Variants in BRPF1 observed in about 807,000 individuals in gnomAD.
BRPF1 encodes the protein peregrin.
BRPF1 carries 15 observed loss-of-function variants against 115.0 expected under a neutral mutation model. That is an observed-to-expected ratio of 0.13 (90% CI 0.09 to 0.20). The LOEUF is 0.20. Ranked by LOEUF, BRPF1 falls within the 10% of genes least tolerant of loss-of-function variation. The pLI, the probability that BRPF1 is intolerant of heterozygous loss-of-function variation, is 1.00. For missense variants in BRPF1, 1,118 were observed against 1,638.3 expected (o/e 0.68, Z 5.48); for synonymous variants, 647 against 619.8 (o/e 1.04, Z -0.65).
At chr3:9,738,531 C>T (rs1308876301) in intron 2 of BRPF1, among the ~76,000 whole-genome samples, 1 of 152,254 alleles carries the variant, frequency 6.6e-6, no homozygotes, top group Non-Finnish European at 1.5e-5. Context: ...CCCTGCCCAC[C>T]AGTGCTAAAA....
rs991955850 is a variant in BRPF1, at chr3:9,743,505, G to A, written c.2312-73G>A. The A allele has an allele frequency of 9.3e-6, 14 of 1,503,876 alleles. No homozygotes were observed. The highest frequency in any genetic ancestry group is 1.1e-5 in the Non-Finnish European group (12 of 1,110,656). The allele number at this position is 1,503,876 out of a possible 1,614,324, so 93.2% of individuals were successfully genotyped here. On this transcript the variant is annotated intron_variant, in intron 7 of 13. Transcript: ENST00000383829. This position sits in a 1 kb window ranked among gnomAD's most constrained non-coding sequence, Gnocchi z 6.1. ...CCCAGGGGGGATGAGTGGGTTTCTT[G>A]CTGCCTGCCCAGGTTCAAGGGGCCC...
Position 9,739,742 on chromosome 3 carries a change from C to T in BRPF1, c.1343C>T (p.Thr448Met), listed in dbSNP as rs753525669. The T allele has an allele frequency of 1.4e-5, 23 of 1,614,034 alleles. No individual in the cohort carries two copies. The highest frequency in any genetic ancestry group is 1.1e-4 in the South Asian group (10 of 91,082). ...AAGACAGCCTACTGCGACATCCACA[C>T]GCCTCCAGGTTCAGCACGCCGACTG... Reference protein sequence around the residue: ...VRKTAYCDIHTPPGSARRLPA... With the variant: ...VRKTAYCDIHMPPGSARRLPA... Residue 448 changes from threonine to methionine, a missense_variant, in exon 3 of 14, where the codon ACG (threonine) becomes ATG (methionine). Around this residue, in one of 10 missense-constraint regions of BRPF1, gnomAD observed 87 missense variants for 93.4 expected, o/e 0.93. Coordinates refer to ENST00000383829, the MANE Select transcript of BRPF1 (RefSeq NM_001003694.2).
intron 2 of BRPF1, among the ~76,000 whole-genome samples, chr3:9,736,085 C>T (rs1405214039): frequency 3.6e-5 from 5 of 140,548 alleles, no homozygotes; most frequent in African/African-American, 1.3e-4. Context: ...GATCTCGGCT[C>T]ACTGCGACCT....
At position 9,743,513 on chromosome 3, in the gene BRPF1, C is replaced by T. The variant is rs972382066; in HGVS notation, c.2312-65C>T. On this transcript the variant is annotated intron_variant, in intron 7 of 13. Coordinates refer to ENST00000383829, the MANE Select transcript of BRPF1 (RefSeq NM_001003694.2). This position sits in a 1 kb window ranked among gnomAD's most constrained non-coding sequence, Gnocchi z 6.1. ...GGATGAGTGGGTTTCTTGCTGCCTG[C>T]CCAGGTTCAAGGGGCCCTGAGGGCT... 6 of 1,527,958 alleles carry T rather than the reference C, an allele frequency of 3.9e-6. No individual in the cohort carries two copies. The African/African-American group carries it at 6.9e-5, about 18-fold the overall frequency. 94.7% of individuals were successfully genotyped at this position (1,527,958 alleles called of 1,614,324 possible).
intron 2 of BRPF1, among the ~76,000 whole-genome samples, chr3:9,737,505 T>C (rs1009343681): frequency 2.0e-5 from 3 of 152,218 alleles, no homozygotes; most frequent in Admixed American, 2.0e-4. Flanking sequence ...CTTAGCTCAC[T>C]TGCCCTCTGT....
chr3:9,734,400 G>T lies in BRPF1; in HGVS notation c.260G>T (p.Arg87Leu). The T allele has an allele frequency of 6.2e-7, 1 of 1,614,064 alleles. No homozygotes were observed. The highest frequency in any genetic ancestry group is 8.5e-7 in the Non-Finnish European group (1 of 1,180,022). ...SPSEVSQSPG[R>L]EVMSYAQAQR... ...TCAGAGGTCTCACAGTCACCAGGCC[G>T]TGAGGTGATGAGCTATGCACAGGCC... Residue 87 changes from arginine (R) to leucine (L), a missense_variant, in exon 2 of 14, where the codon CGT (arginine) becomes CTT (leucine). Around this residue, in one of 10 missense-constraint regions of BRPF1, gnomAD observed 280 missense variants for 382.8 expected, o/e 0.73. Coordinates refer to ENST00000383829, the MANE Select transcript of BRPF1 (RefSeq NM_001003694.2). The surrounding 1 kb of genome is among the most constrained non-coding windows in gnomAD (Gnocchi z 5.7).
rs750395934 is a variant in BRPF1 at position 9,743,772 on chromosome 3, G to A, written c.2506G>A (p.Gly836Arg). 1 of 1,614,170 alleles carries A rather than the reference G, an allele frequency of 6.2e-7. No individual in the cohort carries two copies. Among genetic ancestry groups the A allele is most frequent in the African/African-American group, 1.3e-5 (1 of 75,054 alleles). ...RRKLAHQRETGRDGPERHGPS... is the reference protein window; with the variant it reads ...RRKLAHQRETRRDGPERHGPS... The stretch of plus-strand genomic sequence containing the variant: ...GAAGCTTGCCCATCAGCGAGAGACG[G>A]GACGTGATGGCCCTGAGCGGCATGG... The change falls in exon 8 of 14, where the codon GGA (glycine) becomes AGA (arginine). Residue 836 changes from glycine (G) to arginine (R), a missense_variant. By Grantham distance (125) the Gly-to-Arg change is moderately radical. Around this residue, in one of 10 missense-constraint regions of BRPF1, gnomAD observed 223 missense variants for 240.7 expected, o/e 0.93. Transcript: ENST00000383829. The surrounding 1 kb of genome is among the most constrained non-coding windows in gnomAD (Gnocchi z 6.1).
At chr3:9,744,881 C>T (rs367906841) in intron 9 of BRPF1, 127 bp from the exon 10 acceptor site, 1 of 1,311,874 alleles carries the variant, frequency 7.6e-7, no homozygotes, top group Non-Finnish European at 1.1e-6. Context: ...GCTCTGCTGG[C>T]CAAGGTTGGA....
At chr3:9,741,007 A>G in intron 4 of BRPF1, 66 bp downstream of exon 4, 5 of 1,519,216 alleles carry the variant, frequency 3.3e-6, no homozygotes, top group Non-Finnish European at 4.5e-6. Flanking sequence ...CAAAATTTGC[A>G]ACTGTAGTTT....
At position 9,734,295 on chromosome 3, in the gene BRPF1, C is replaced by G. The variant is rs763886067; in HGVS notation, c.155C>G (p.Pro52Arg). The part of the protein sequence containing the change: ...LYHYDHDNPP[P>R]PQQTPLRKHK... ...CACTATGACCACGACAACCCACCAC[C>G]CCCACAACAAACTCCACTCCGCAAG... The change falls in exon 2 of 14, where the codon CCC becomes CGC. Residue 52 changes from proline (P) to arginine (R), a missense_variant. Physicochemically the swap from Pro to Arg is moderately radical, Grantham distance 103 (BLOSUM62 -2). Coordinates refer to ENST00000383829, the MANE Select transcript of BRPF1 (RefSeq NM_001003694.2). This position sits in a 1 kb window ranked among gnomAD's most constrained non-coding sequence, Gnocchi z 5.7. The G allele has an allele frequency of 4.3e-6, 7 of 1,613,992 alleles. No homozygotes were observed. The South Asian group carries it at 7.7e-5, about 18-fold the overall frequency.
chr3:9,742,806 T>TC (rs905523651), intron 6 of BRPF1, 138 bp from the exon 7 acceptor site: 1 of 987,628 alleles, frequency 1.0e-6, no homozygotes, highest in African/African-American at 1.6e-5. Flanking sequence ...AGCTTTCCTT[T>TC]CCCCTGTGCT....
chr3:9,738,214 A>G (rs1438596895), intron 2 of BRPF1, among the ~76,000 whole-genome samples: 2 of 152,138 alleles, frequency 1.3e-5, no homozygotes, highest in African/African-American at 4.8e-5. Flanking sequence ...CTGGAGGTTG[A>G]ATGCCTCTGC....
At position 9,746,751 on chromosome 3, in the gene BRPF1, C is replaced by T. The variant is rs530483595; in HGVS notation, c.3479+297C>T. ...TGGCTTCTAGACTTAGTTTTCCCAC[C>T]TCTGCCTCCACAGTGACAAAATGAG... is the stretch of plus-strand genomic sequence containing the variant. On this transcript the variant is annotated intron_variant, in intron 13 of 13. Coordinates refer to ENST00000383829, the MANE Select transcript of BRPF1 (RefSeq NM_001003694.2). Among the ~76,000 whole-genome samples the T allele has an allele frequency of 1.8e-4, 27 of 152,166 alleles. No individual in the cohort carries two copies. The South Asian group carries it at 5.0e-3, about 28-fold the overall frequency.
Position 9,732,017 on chromosome 3 carries a change from G to C in BRPF1, c.-132G>C, listed in dbSNP as rs1208975315. On this transcript the variant is annotated 5_prime_UTR_variant, in exon 1 of 14. Transcript: ENST00000383829. ...GGGCGGCAGGGGGCCGGGGTGGCGA[G>C]GTCTACGGTCTCCGGAGTTGGGGCT... is the stretch of plus-strand genomic sequence containing the variant. 1 of 152,524 alleles carries C rather than the reference G, an allele frequency of 6.6e-6. No homozygotes were observed. The highest frequency in any genetic ancestry group is 2.4e-5 in the African/African-American group (1 of 41,586). 9.4% of individuals were successfully genotyped at this position (152,524 alleles called of 1,614,324 possible).
At chr3:9,735,572 T>C (rs954376038) in intron 2 of BRPF1, among the ~76,000 whole-genome samples, 2 of 152,244 alleles carry the variant, frequency 1.3e-5, no homozygotes, top group African/African-American at 2.4e-5. Flanking sequence ...CATAAGGTAC[T>C]AAAAGCACTT....
chr3:9,745,311 G>C lies in BRPF1; in HGVS notation c.3068+156G>C, dbSNP rs1418506994. Among the ~76,000 whole-genome samples the C allele has an allele frequency of 2.0e-5, 3 of 152,224 alleles. No individual in the cohort carries two copies. The highest frequency in any genetic ancestry group is 4.4e-5 in the Non-Finnish European group (3 of 68,046). On this transcript the variant is annotated intron_variant, in intron 10 of 13. Coordinates refer to ENST00000383829, the MANE Select transcript of BRPF1 (RefSeq NM_001003694.2). This position sits in a 1 kb window ranked among gnomAD's most constrained non-coding sequence, Gnocchi z 5.1. ...TTCTCTGCTAAATAAATAAATCAGT[G>C]TTACCATTAATAGAACAGAGAGAAC...
At chr3:9,742,397 A>G in intron 6 of BRPF1, 2 of 985,408 alleles carry the variant, frequency 2.0e-6, no homozygotes, top group Non-Finnish European at 2.4e-6. Flanking sequence ...AGAGGCAGGG[A>G]CTGAGTCTGC....
Position 9,743,550 on chromosome 3 carries a change from G to T in BRPF1, c.2312-28G>T. 6.3e-7 allele frequency: 1 copy of T among 1,597,400 alleles called. No homozygotes were observed. Among genetic ancestry groups the T allele is most frequent in the South Asian group, 1.1e-5 (1 of 88,086 alleles). On this transcript the variant is annotated intron_variant, in intron 7 of 13. Transcript: ENST00000383829. The surrounding 1 kb of genome is among the most constrained non-coding windows in gnomAD (Gnocchi z 6.1). ...GGGCCCTGAGGGCTGCCCTGAGTCT[G>T]ACCTTTCCCCTCCAACCCTACCCCT...
chr3:9,743,477 A>C lies in BRPF1; in HGVS notation c.2312-101A>C. The C allele has an allele frequency of 7.3e-7, 1 of 1,369,306 alleles. No individual in the cohort carries two copies. The highest frequency in any genetic ancestry group is 1.0e-6 in the Non-Finnish European group (1 of 996,770). The allele number at this position is 1,369,306 out of a possible 1,614,324, so 84.8% of individuals were successfully genotyped here. A position where few individuals can be genotyped will look rare whatever the true frequency, so the allele number is the denominator to read the frequency against. On this transcript the variant is annotated intron_variant, in intron 7 of 13. Coordinates refer to ENST00000383829, the MANE Select transcript of BRPF1 (RefSeq NM_001003694.2). This position sits in a 1 kb window ranked among gnomAD's most constrained non-coding sequence, Gnocchi z 6.1. Reference sequence around the variant, plus strand: ...CTATTTTACAGCTGTTCCTGGTGAGAAGCCCAGGGGGGATGAGTGGGTTTC... The same window carrying C: ...CTATTTTACAGCTGTTCCTGGTGAGCAGCCCAGGGGGGATGAGTGGGTTTC...
Sources: allele counts gnomAD v4.1 joint callset (sites outside exome capture counted in the v4.1 genomes callset), GRCh38; gene constraint gnomAD v4.1.1; regional missense constraint gnomAD v4.1.1; non-coding constraint Gnocchi (gnomAD v3.1); transcripts MANE v1.5; gene names NCBI Gene and HGNC (gene_info 2026-07-23, HGNC 2026-07-21).